Variants in TNFRSF8 observed in about 807,000 individuals in gnomAD.
The protein encoded by TNFRSF8 is TNF receptor superfamily member 8.
A neutral mutation model predicts 70.8 loss-of-function variants in TNFRSF8; 26 were observed. The observed-to-expected ratio is 0.37, with a 90% CI of 0.27 to 0.51. The LOEUF (loss-of-function observed/expected upper bound fraction) is 0.51. TNFRSF8 is among the 20% of genes least tolerant of loss of function. TNFRSF8 has a pLI of 0.94. For missense variants in TNFRSF8, 720 were observed against 807.9 expected, an observed-to-expected ratio of 0.89 and a Z score of 1.32; for synonymous variants, 356 against 339.2, an observed-to-expected ratio of 1.05 and a Z score of -0.54.
chr1:12,125,726 T>C (rs11569912), intron 10 of TNFRSF8, among the ~76,000 whole-genome samples: 16,118 of 152,128 alleles, frequency 0.11, 1,758 homozygotes, highest in East Asian at 0.35. Context: ...AATTTCTCAC[T>C]CTCTAGACAC....
chr1:12,067,985 C>T (rs1266891746), intron 1 of TNFRSF8, among the ~76,000 whole-genome samples: 1 of 151,176 alleles, frequency 6.6e-6, no homozygotes, highest in Non-Finnish European at 1.5e-5. Context: ...CTTCCCAGGG[C>T]GGCACTAGTG....
At position 12,109,564 on chromosome 1, in the gene TNFRSF8, A is replaced by C; in HGVS notation, c.422-2A>C. The C allele has an allele frequency of 6.2e-7, 1 of 1,613,192 alleles. No individual in the cohort carries two copies. The highest frequency in any genetic ancestry group is 8.5e-7 in the Non-Finnish European group (1 of 1,179,612). On this transcript the variant is annotated splice_acceptor_variant, in intron 4 of 14. Transcript: ENST00000263932. LOFTEE classifies it high-confidence loss of function. This position sits in a 1 kb window ranked among gnomAD's most constrained non-coding sequence, Gnocchi z 4.4. ...CTGAAGGCACTGCTGTCCCCCCTGCAGGCACGGCGCAGAAGAACACGGTCT... is the reference window on the plus strand; with the variant it reads ...CTGAAGGCACTGCTGTCCCCCCTGCCGGCACGGCGCAGAAGAACACGGTCT...
intron 2 of TNFRSF8, among the ~76,000 whole-genome samples, chr1:12,086,413 C>T (rs549100538): frequency 2.0e-5 from 3 of 151,718 alleles, no homozygotes; most frequent in African/African-American, 4.8e-5. Flanking sequence ...TAGGTGGGTC[C>T]CCTGGTTTTT....
intron 1 of TNFRSF8, among the ~76,000 whole-genome samples, chr1:12,070,598 A>G (rs61777862): frequency 1.3e-5 from 2 of 152,102 alleles, no homozygotes; most frequent in Non-Finnish European, 2.9e-5. Flanking sequence ...TGCTGGGATT[A>G]CAGGCATGAG....
chr1:12,123,235 A>T (rs1309969858), intron 8 of TNFRSF8, 49 bp from the exon 9 acceptor site: 2 of 1,512,702 alleles, frequency 1.3e-6, no homozygotes, highest in Non-Finnish European at 1.8e-6. Flanking sequence ...TTTCCTGGAG[A>T]CACCAGCCTC....
intron 1 of TNFRSF8, among the ~76,000 whole-genome samples, chr1:12,076,851 C>T (rs1040244571): frequency 6.6e-6 from 1 of 152,160 alleles, no homozygotes; most frequent in Non-Finnish European, 1.5e-5. Flanking sequence ...TAGGAGGTGA[C>T]TACTGAGTTC....
At chr1:12,137,399 G>A (rs1434992260) in intron 13 of TNFRSF8, among the ~76,000 whole-genome samples, 2 of 152,154 alleles carry the variant, frequency 1.3e-5, no homozygotes, top group South Asian at 2.1e-4. Context: ...GAATCATTGC[G>A]TCAGCACGGG....
In TNFRSF8 at chr1:12,110,632, C is replaced by T. The variant is rs1641612769; in HGVS notation, c.676+428C>T. The stretch of plus-strand genomic sequence containing the variant: ...CTTTTTTTTGAGACGGAGTTTCGCT[C>T]ATGTTGCCCAGGCTGGAGTGCAGTG... On this transcript the variant is annotated intron_variant, in intron 6 of 14. Transcript: ENST00000263932. This position sits in a 1 kb window ranked among gnomAD's most constrained non-coding sequence, Gnocchi z 4.0. Among the ~76,000 whole-genome samples the T allele has an allele frequency of 6.6e-6, 1 of 152,090 alleles. No individual in the cohort carries two copies. Among genetic ancestry groups the T allele is most frequent in the African/African-American group, 2.4e-5 (1 of 41,414 alleles).
At chr1:12,072,670 G>A (rs1429808231) in intron 1 of TNFRSF8, among the ~76,000 whole-genome samples, 4 of 152,264 alleles carry the variant, frequency 2.6e-5, no homozygotes, top group East Asian at 1.9e-4. Context: ...TCCTAGAGGC[G>A]TCGCCCACAG....
intron 12 of TNFRSF8, 95 bp from the exon 13 acceptor site, chr1:12,135,493 C>G (rs897179071): frequency 7.3e-7 from 1 of 1,378,522 alleles, no homozygotes; most frequent in East Asian, 3.7e-5. Flanking sequence ...TCAGCACCAC[C>G]TGTGATCCAG....
At chr1:12,093,746 G>A (rs693635) in intron 2 of TNFRSF8, among the ~76,000 whole-genome samples, 7,251 of 152,138 alleles carry the variant, frequency 0.048, 555 homozygotes, top group African/African-American at 0.16. Flanking sequence ...TCACCATGTT[G>A]GTCAGGCTGG....
At chr1:12,071,857 C>A (rs1640853332) in intron 1 of TNFRSF8, among the ~76,000 whole-genome samples, 1 of 152,046 alleles carries the variant, frequency 6.6e-6, no homozygotes, top group East Asian at 1.9e-4. Flanking sequence ...GCCACCATGC[C>A]AGCTAATTTT....
intron 12 of TNFRSF8, among the ~76,000 whole-genome samples, chr1:12,129,150 CT>C (rs1160479551): frequency 1.3e-5 from 2 of 152,074 alleles, no homozygotes; most frequent in Non-Finnish European, 2.9e-5. Context: ...TCTTTTAATC[CT>C]TCATTTTTAT....
chr1:12,105,042 T>TC lies in TNFRSF8; in HGVS notation c.421+512dup, dbSNP rs11569858. Among the ~76,000 whole-genome samples, 5 of 152,268 alleles carry TC rather than the reference T, an allele frequency of 3.3e-5. No homozygotes were observed. The East Asian group carries it at 9.6e-4, about 29-fold the overall frequency. On this transcript the variant is annotated intron_variant, in intron 4 of 14. Transcript: ENST00000263932. ...TCTACTTCTCTGATAGTACAAGGTG[T>TC]CAGGGCTGCTTTTAACCAGAGAAGG...
intron 2 of TNFRSF8, among the ~76,000 whole-genome samples, chr1:12,093,448 G>C (rs1641279231): frequency 6.6e-6 from 1 of 152,138 alleles, no homozygotes; most frequent in South Asian, 2.1e-4. Context: ...TATGAACTAG[G>C]TTGACAGAAC....
chr1:12,103,572 C>T (rs970912366), intron 3 of TNFRSF8, among the ~76,000 whole-genome samples: 13 of 152,114 alleles, frequency 8.5e-5, no homozygotes, highest in Non-Finnish European at 5.9e-5. Context: ...TGGGCTCAAG[C>T]GATCCTCCCG....
At chr1:12,130,500 G>A (rs1642028407) in intron 12 of TNFRSF8, among the ~76,000 whole-genome samples, 1 of 152,182 alleles carries the variant, frequency 6.6e-6, no homozygotes, top group Non-Finnish European at 1.5e-5. Context: ...TTGCATCTCG[G>A]GGTACCTGTT....
chr1:12,111,500 A>AGGGAGGC (rs992720108), intron 6 of TNFRSF8, among the ~76,000 whole-genome samples: 2 of 152,076 alleles, frequency 1.3e-5, no homozygotes, highest in African/African-American at 4.8e-5. Flanking sequence ...TCTTTAAAAG[A>AGGGAGGC]GGGAGGCAGG....
In TNFRSF8 at chr1:12,088,088, G is replaced by A. The variant is rs1016532351; in HGVS notation, c.151+3537G>A. Among the ~76,000 whole-genome samples the A allele has an allele frequency of 1.3e-5, 2 of 152,098 alleles. No homozygotes were observed. The highest frequency in any genetic ancestry group is 2.4e-5 in the African/African-American group (1 of 41,398). ...TGTGTGGCCGGGTTTGCTTGTGGGC[G>A]GGTTGGTGGAGGAAGGAAGCTGAGG... is the stretch of plus-strand genomic sequence containing the variant. On this transcript the variant is annotated intron_variant, in intron 2 of 14. Transcript: ENST00000263932. The surrounding 1 kb of genome is among the most constrained non-coding windows in gnomAD (Gnocchi z 4.0).
Sources: gnomAD v4.1 joint callset for allele counts (sites outside exome capture counted in the v4.1 genomes callset) on GRCh38, gnomAD v4.1.1 for gene constraint, Gnocchi (gnomAD v3.1) non-coding constraint, MANE v1.5 for transcripts, NCBI Gene and HGNC (gene_info 2026-07-23, HGNC 2026-07-21) for gene names.